The following MYH13 variants were observed in gnomAD, a reference collection of about 807,000 sequenced individuals.
The protein encoded by MYH13 is myosin-13.
Under a neutral mutation model 232.1 loss-of-function variants are expected in MYH13, and 177 were observed. The observed-to-expected ratio is 0.76, with a 90% CI of 0.67 to 0.86. The LOEUF (loss-of-function observed/expected upper bound fraction) is 0.86, where lower values mean the gene tolerates loss of function less well. Ranked by LOEUF, MYH13 falls within the 40% of genes least tolerant of loss-of-function variation. MYH13 has a pLI of 0.00. For synonymous variants in MYH13, 884 were observed against 923.5 expected (o/e 0.96, Z 0.78); for missense variants, 2,246 against 2,405.9 (o/e 0.93, Z 1.39).
In MYH13 at chr17:10,313,174, C is replaced by T. The variant is rs372740212; in HGVS notation, c.4165G>A (p.Glu1389Lys). The change falls in exon 30 of 41, where the codon GAG becomes AAG. Residue 1389 changes from glutamate (E) to lysine (K), a missense_variant. By Grantham distance (56) the Glu-to-Lys change is moderately conservative (BLOSUM62 1). Coordinates refer to ENST00000252172, the MANE Select transcript of MYH13 (RefSeq NM_003802.3). ...AGCCCCTACTTGGCCTCCTCCAGCT[C>T]CTCTGTGCGCTGAATGGCGTCCGTC... is the stretch of plus-strand genomic sequence containing the variant. ...YETDAIQRTEELEEAKKKLAQ... is the reference protein window; with the variant it reads ...YETDAIQRTEKLEEAKKKLAQ... The T allele has an allele frequency of 3.1e-6, 5 of 1,614,038 alleles. No individual in the cohort carries two copies. In the African/African-American group the frequency reaches 6.7e-5, roughly 22 times the overall value.
chr17:10,313,151 C>T lies in MYH13; in HGVS notation c.4181+7G>A, dbSNP rs775201289. 1.2e-6 allele frequency: 2 copies of T among 1,613,956 alleles called. No individual in the cohort carries two copies. The highest frequency in any genetic ancestry group is 1.7e-6 in the Non-Finnish European group (2 of 1,179,950). On this transcript the variant is annotated splice_region_variant and intron_variant, in intron 30 of 40. Coordinates refer to ENST00000252172, the MANE Select transcript of MYH13 (RefSeq NM_003802.3). ...CCCCTCTGCTATTGCCACCCTGGAG[C>T]CCCTACTTGGCCTCCTCCAGCTCCT...
Position 10,354,749 on chromosome 17 carries a change from G to A in MYH13, c.936C>T (p.Phe312=). The change falls in exon 11 of 41, where the codon TTC becomes TTT. Residue 312 remains phenylalanine, a synonymous_variant. Coordinates refer to ENST00000252172, the MANE Select transcript of MYH13 (RefSeq NM_003802.3). ...LLLISTNPFD[F]PFVSQGEVTV... ...TGACCTCTCCTTGGCTCACGAAGGG[G>A]AAGTCGAAGGGGTTGGTGGAGATCA... 1.9e-6 allele frequency: 3 copies of A among 1,613,976 alleles called. No homozygotes were observed. The South Asian group carries it at 3.3e-5, about 18-fold the overall frequency.
chr17:10,318,767 G>A (rs1906814632), intron 27 of MYH13, 23 bp downstream of exon 27: 2 of 1,612,936 alleles, frequency 1.2e-6, no homozygotes, highest in South Asian at 2.2e-5. Flanking sequence ...CATTCTCCAA[G>A]AGCAGAAGGG....
At chr17:10,359,486 C>T (rs2071774620) in intron 7 of MYH13, among the ~76,000 whole-genome samples, 1 of 152,152 alleles carries the variant, frequency 6.6e-6, no homozygotes, top group Non-Finnish European at 1.5e-5. Context: ...TTTGTAACAG[C>T]CTTTATAACA....
At chr17:10,366,728 A>G (rs913900193) in intron 2 of MYH13, among the ~76,000 whole-genome samples, 1 of 152,120 alleles carries the variant, frequency 6.6e-6, no homozygotes, top group Non-Finnish European at 1.5e-5. Context: ...TCCTCTTTTT[A>G]TAGTGGGAAA....
chr17:10,332,021 G>T (rs904200790), intron 20 of MYH13, 78 bp downstream of exon 20: 66 of 1,567,908 alleles, frequency 4.2e-5, no homozygotes, highest in Non-Finnish European at 5.2e-6. Context: ...AGGAGAAGGG[G>T]ACCCTTTTTC....
At chr17:10,340,071 C>G (rs146481757) in intron 18 of MYH13, 79 bp downstream of exon 18, 1 of 1,249,016 alleles carries the variant, frequency 8.0e-7, no homozygotes, top group Admixed American at 2.0e-5. Flanking sequence ...TCTTTCCAAA[C>G]GCACACCCAC....
rs772214620 is a variant in MYH13, at chr17:10,330,466, C to T, written c.2356G>A (p.Val786Met). The T allele has an allele frequency of 6.2e-7, 1 of 1,612,902 alleles. No individual in the cohort carries two copies. Among genetic ancestry groups the T allele is most frequent in the Non-Finnish European group, 8.5e-7 (1 of 1,179,714 alleles). The stretch of plus-strand genomic sequence containing the variant: ...GCCTGCGTGCTTGTCATCAGCGTCA[C>T]CAGCTTCTCATCTCTCATCTCCTCC... ...LLEEMRDEKL[V>M]TLMTSTQAVC... The change falls in exon 21 of 41, where the codon GTG (valine) becomes ATG (methionine). Residue 786 changes from valine (V) to methionine (M), a missense_variant. By Grantham distance (21) the Val-to-Met change is conservative. Coordinates refer to ENST00000252172, the MANE Select transcript of MYH13 (RefSeq NM_003802.3).
rs1906410701 is a variant in MYH13, at chr17:10,309,355, C to T, written c.5048G>A (p.Gly1683Asp). 1 of 1,613,552 alleles carries T rather than the reference C, an allele frequency of 6.2e-7. No homozygotes were observed. Among genetic ancestry groups the T allele is most frequent in the Non-Finnish European group, 8.5e-7 (1 of 1,179,758 alleles). Residue 1683 changes from glycine to aspartate, a missense_variant, in exon 35 of 41, where the codon GGC becomes GAC. Coordinates refer to ENST00000252172, the MANE Select transcript of MYH13 (RefSeq NM_003802.3). ...EQLAIVERRN[G>D]LLLEELEEMK... ...TTCCTCCAGCTCCTCCAGCAGGAGG[C>T]CATTCCTGCGCTCCACGATGGCCAG... is the stretch of plus-strand genomic sequence containing the variant.
chr17:10,355,242 T>C (rs1597388196), intron 8 of MYH13, 95 bp from the exon 9 acceptor site: 1 of 1,282,968 alleles, frequency 7.8e-7, no homozygotes, highest in South Asian at 1.3e-5. Flanking sequence ...AAATTATAAA[T>C]GCAAAAATGC....
rs143826764 is a variant in MYH13, at chr17:10,329,757, C to A, written c.2435+630G>T. 9.3e-3 allele frequency among the ~76,000 whole-genome samples: 1,406 copies of A among 151,996 alleles called. 12 individuals are homozygous for A. The highest frequency in any genetic ancestry group is 0.012 in the Non-Finnish European group (824 of 68,012). On this transcript the variant is annotated intron_variant, in intron 21 of 40. Coordinates refer to ENST00000252172, the MANE Select transcript of MYH13 (RefSeq NM_003802.3). ...CAGCAATGTGGGAGGCCAAGGCGGGCGGATCACCTGAGGTCAGGAGTTCAA... is the reference window on the plus strand; with the variant it reads ...CAGCAATGTGGGAGGCCAAGGCGGGAGGATCACCTGAGGTCAGGAGTTCAA...
In MYH13 at chr17:10,330,506, C is replaced by A; in HGVS notation, c.2316G>T (p.Gly772=). The change falls in exon 21 of 41, where the codon GGG becomes GGT. Residue 772 remains glycine, a synonymous_variant. Coordinates refer to ENST00000252172, the MANE Select transcript of MYH13 (RefSeq NM_003802.3). ...FGNTKVFFKA[G]LLGLLEEMRD... is the part of the protein sequence containing the mutation. ...TCATCTCCTCCAAAAGTCCCAGGAGCCCAGCTTTGAAAAACACCTGCATTA... is the reference window on the plus strand; with the variant it reads ...TCATCTCCTCCAAAAGTCCCAGGAGACCAGCTTTGAAAAACACCTGCATTA... 6.2e-7 allele frequency: 1 copy of A among 1,610,316 alleles called. No homozygotes were observed. Among genetic ancestry groups the A allele is most frequent in the South Asian group, 1.1e-5 (1 of 90,366 alleles).
chr17:10,342,341 A>G (rs8073085), intron 16 of MYH13, among the ~76,000 whole-genome samples: 118,417 of 152,124 alleles, frequency 0.78, 46,604 homozygotes, highest in East Asian at 0.88. Flanking sequence ...TTACAGGTGT[A>G]AGCCACCACG....
At position 10,306,528 on chromosome 17, in the gene MYH13, G is replaced by A. The variant is rs1018939599; in HGVS notation, c.5397C>T (p.His1799=). ...CCAGTTGTTCAGCCTCATCTAGACG[G>A]TGCTGCAGGTCCTTCACCGTCTGCT... ...NLEQTVKDLQ[H]RLDEAEQLAL... The change falls in exon 37 of 41, where the codon CAC becomes CAT. Residue 1799 remains histidine (H), a synonymous_variant. Coordinates refer to ENST00000252172, the MANE Select transcript of MYH13 (RefSeq NM_003802.3). This position sits in a 1 kb window ranked among gnomAD's most constrained non-coding sequence, Gnocchi z 4.3. The A allele has an allele frequency of 1.2e-6, 2 of 1,613,874 alleles. No homozygotes were observed. The highest frequency in any genetic ancestry group is 1.1e-5 in the South Asian group (1 of 91,052).
At chr17:10,303,531 TCTC>T (rs767224849) in intron 37 of MYH13, 33 bp from the exon 38 acceptor site, 3 of 1,586,154 alleles carry the variant, frequency 1.9e-6, no homozygotes, top group African/African-American at 1.3e-5. Context: ...AGAATTCAAA[TCTC>T]CTCTCCCAGG....
chr17:10,357,029 C>T (rs117173938), intron 8 of MYH13, among the ~76,000 whole-genome samples: 5,308 of 152,152 alleles, frequency 0.035, 194 homozygotes, highest in Middle Eastern at 0.085. Flanking sequence ...GTTGCAACTT[C>T]GGCTCCCTGC....
At chr17:10,351,537 C>T (rs971205428) in intron 11 of MYH13, among the ~76,000 whole-genome samples, 1 of 152,160 alleles carries the variant, frequency 6.6e-6, no homozygotes, top group African/African-American at 2.4e-5. Flanking sequence ...ATGTGCTAGA[C>T]ATTGGGTAGG....
intron 11 of MYH13, among the ~76,000 whole-genome samples, chr17:10,351,034 A>T (rs2071706529): frequency 6.6e-6 from 1 of 151,956 alleles, no homozygotes; most frequent in African/African-American, 2.4e-5. Flanking sequence ...ATCCTGGCCA[A>T]CATGGCGACG....
At chr17:10,347,647 G>A (rs2071675763) in intron 12 of MYH13, among the ~76,000 whole-genome samples, 1 of 151,482 alleles carries the variant, frequency 6.6e-6, no homozygotes, top group South Asian at 2.1e-4. Flanking sequence ...ACTTTGAGAA[G>A]GACCTGGGGG....
Sources: gnomAD v4.1 joint callset for allele counts (sites outside exome capture counted in the v4.1 genomes callset) on GRCh38, gnomAD v4.1.1 for gene constraint, Gnocchi (gnomAD v3.1) non-coding constraint, MANE v1.5 for transcripts, NCBI Gene and HGNC (gene_info 2026-07-23, HGNC 2026-07-21) for gene names.